MEIS2: variants seen among roughly 807,000 people sequenced by gnomAD.
MEIS2 encodes Meis homeobox 2.
Under a neutral mutation model 58.6 loss-of-function variants are expected in MEIS2, and 9 were observed. That is an observed-to-expected ratio of 0.15 (90% CI 0.09 to 0.27). The LOEUF is 0.27. Among genes scored for constraint, MEIS2 ranks in the 10% least tolerant of loss-of-function variants. MEIS2 has a pLI of 1.00. For synonymous variants in MEIS2, 221 were observed against 228.4 expected (o/e 0.97, Z 0.29); for missense variants, 427 against 635.0 (o/e 0.67, Z 3.52).
At chr15:36,894,848 A>G in intron 11 of MEIS2, 1 of 1,465,666 alleles carries the variant, frequency 6.8e-7, no homozygotes, top group East Asian at 2.3e-5. Flanking sequence ...GAGGCCGGAA[A>G]ATCAGCAATA....
intron 8 of MEIS2, among the ~76,000 whole-genome samples, chr15:37,024,262 C>T (rs1567195353): frequency 6.6e-6 from 1 of 152,154 alleles, no homozygotes; most frequent in African/African-American, 2.4e-5. Flanking sequence ...TTCACATGAT[C>T]TGATTATGCT....
chr15:37,083,755 ATGTT>A lies in MEIS2; in HGVS notation c.754+12_754+15del. On this transcript the variant is annotated intron_variant, in intron 7 of 11. Transcript: ENST00000561208. ...GTCATGCCTACTTTGCACGAGGAAA[ATGTT>A]TGACCTTTTACCTTGCTCACTGCTG... The A allele has an allele frequency of 6.2e-7, 1 of 1,606,730 alleles. No homozygotes were observed. Among genetic ancestry groups the A allele is most frequent in the Non-Finnish European group, 8.5e-7 (1 of 1,175,180 alleles).
chr15:36,905,262 C>T (rs181822863), intron 9 of MEIS2, among the ~76,000 whole-genome samples: 27 of 149,972 alleles, frequency 1.8e-4, no homozygotes, highest in African/African-American at 3.2e-4. Flanking sequence ...GGAATTTTGT[C>T]GGGGGGTGGG....
intron 9 of MEIS2, among the ~76,000 whole-genome samples, chr15:36,944,631 G>A (rs1007801628): frequency 2.0e-5 from 3 of 151,992 alleles, no homozygotes; most frequent in Non-Finnish European, 1.5e-5. Context: ...CATCAGCATC[G>A]GCAGTTTCAG....
At chr15:36,912,842 A>G (rs922008459) in intron 9 of MEIS2, among the ~76,000 whole-genome samples, 1 of 151,654 alleles carries the variant, frequency 6.6e-6, no homozygotes, top group African/African-American at 2.4e-5. Flanking sequence ...AAAAAAAAAA[A>G]AAAAAGAAAA....
chr15:37,058,063 C>T (rs1888684412), intron 7 of MEIS2, among the ~76,000 whole-genome samples: 1 of 152,052 alleles, frequency 6.6e-6, no homozygotes, highest in Non-Finnish European at 1.5e-5. Context: ...AGGTTACAGC[C>T]CTGTACAATG....
At chr15:36,931,522 G>A (rs1261838514) in intron 9 of MEIS2, among the ~76,000 whole-genome samples, 2 of 152,290 alleles carry the variant, frequency 1.3e-5, no homozygotes, top group Non-Finnish European at 2.9e-5. Flanking sequence ...TTGAAACAAC[G>A]TTGATGCTTG....
At chr15:37,004,494 G>C (rs2060845705) in intron 8 of MEIS2, among the ~76,000 whole-genome samples, 1 of 152,222 alleles carries the variant, frequency 6.6e-6, no homozygotes, top group Non-Finnish European at 1.5e-5. Context: ...AAACGTCATA[G>C]ACTCACAGAA....
intron 8 of MEIS2, among the ~76,000 whole-genome samples, chr15:36,980,498 T>TC (rs2059897522): frequency 6.6e-6 from 1 of 151,988 alleles, no homozygotes; most frequent in Non-Finnish European, 1.5e-5. Flanking sequence ...GCAGGAAAAC[T>TC]CCCCCTTATA....
At chr15:36,912,980 G>A (rs1026769380) in intron 9 of MEIS2, among the ~76,000 whole-genome samples, 2 of 152,144 alleles carry the variant, frequency 1.3e-5, no homozygotes, top group Non-Finnish European at 2.9e-5. Flanking sequence ...GTCCGCACCT[G>A]CCTTTGGTTA....
At chr15:37,023,481 T>G (rs1211716754) in intron 8 of MEIS2, among the ~76,000 whole-genome samples, 4 of 152,226 alleles carry the variant, frequency 2.6e-5, no homozygotes, top group Non-Finnish European at 5.9e-5. Context: ...AGTTGTTTTA[T>G]TATTCACATG....
At chr15:37,069,283 T>G (rs995969614) in intron 7 of MEIS2, among the ~76,000 whole-genome samples, 1 of 152,194 alleles carries the variant, frequency 6.6e-6, no homozygotes, top group African/African-American at 2.4e-5. Context: ...AGGTGATTGA[T>G]GATGTTAAAG....
At chr15:36,917,951 T>A (rs1212267496) in intron 9 of MEIS2, among the ~76,000 whole-genome samples, 11 of 152,228 alleles carry the variant, frequency 7.2e-5, no homozygotes, top group Non-Finnish European at 1.5e-5. Flanking sequence ...TTCCCCTGGT[T>A]CATCTCCTTT....
intron 7 of MEIS2, among the ~76,000 whole-genome samples, chr15:37,061,862 C>T (rs906786325): frequency 3.3e-5 from 5 of 151,982 alleles, no homozygotes; most frequent in African/African-American, 1.2e-4. Flanking sequence ...AGCCATAAAA[C>T]ATCTTAAAAT....
chr15:36,951,378 A>T (rs1309807499), intron 8 of MEIS2, among the ~76,000 whole-genome samples: 1 of 152,200 alleles, frequency 6.6e-6, no homozygotes, highest in African/African-American at 2.4e-5. Flanking sequence ...TGTCAAAGTC[A>T]TTCATAAAGT....
chr15:36,998,651 T>C (rs1462574955), intron 8 of MEIS2, among the ~76,000 whole-genome samples: 1 of 152,218 alleles, frequency 6.6e-6, no homozygotes, highest in Non-Finnish European at 1.5e-5. Flanking sequence ...ATTTATCTTC[T>C]TTACAGTTTC....
chr15:37,033,909 G>T (rs992105084), intron 8 of MEIS2, among the ~76,000 whole-genome samples: 3 of 152,128 alleles, frequency 2.0e-5, no homozygotes, highest in Non-Finnish European at 4.4e-5. Flanking sequence ...CTTCTCTGCA[G>T]TGGGGTGAAG....
intron 8 of MEIS2, among the ~76,000 whole-genome samples, chr15:37,008,672 T>C (rs886786135): frequency 6.6e-6 from 1 of 152,250 alleles, no homozygotes; most frequent in African/African-American, 2.4e-5. Context: ...GGTAAAAGTT[T>C]GCCATTTGCT....
chr15:37,085,267 T>G (rs1389357269), intron 6 of MEIS2, among the ~76,000 whole-genome samples: 5 of 152,152 alleles, frequency 3.3e-5, no homozygotes, highest in Non-Finnish European at 7.3e-5. Flanking sequence ...GCCACGTGGG[T>G]ATAGGCAACA....
Sources: allele counts gnomAD v4.1 joint callset (sites outside exome capture counted in the v4.1 genomes callset), GRCh38; gene constraint gnomAD v4.1.1; transcripts MANE v1.5; gene names NCBI Gene and HGNC (gene_info 2026-07-23, HGNC 2026-07-21).